Variants in ITPKB observed in about 807,000 individuals in gnomAD.
ITPKB encodes inositol-trisphosphate 3-kinase B.
A neutral mutation model predicts 69.4 loss-of-function variants in ITPKB; 13 were observed. That is an observed-to-expected ratio of 0.19 (90% CI 0.12 to 0.30). The LOEUF (loss-of-function observed/expected upper bound fraction) is 0.30. Ranked by LOEUF, ITPKB falls within the 10% of genes least tolerant of loss-of-function variation. ITPKB has a pLI of 1.00. For missense variants in ITPKB, 1,240 were observed against 1,250.5 expected (o/e 0.99, Z 0.13); for synonymous variants, 584 against 513.7 (o/e 1.14, Z -1.85).
At chr1:226,726,493 A>G (rs1044651563) in intron 2 of ITPKB, among the ~76,000 whole-genome samples, 9 of 152,276 alleles carry the variant, frequency 5.9e-5, no homozygotes, top group African/African-American at 1.9e-4. Flanking sequence ...CCTGGGCAAC[A>G]TAGCAAGAGA....
chr1:226,638,700 C>T (rs555520960), intron 6 of ITPKB, among the ~76,000 whole-genome samples: 90 of 152,280 alleles, frequency 5.9e-4, no homozygotes, highest in African/African-American at 2.1e-3. Context: ...ACCCACACTC[C>T]TGGACTCGGA....
Position 226,738,841 on chromosome 1 carries a change from G to T in ITPKB, c.-206+200C>A, listed in dbSNP as rs1657903590. On this transcript the variant is annotated intron_variant, in intron 1 of 7. Coordinates refer to ENST00000429204, the MANE Select transcript of ITPKB (RefSeq NM_002221.4). This position sits in a 1 kb window ranked among gnomAD's most constrained non-coding sequence, Gnocchi z 4.2. ...GGCCCGGAAGGCGGGTAGGAGAAATGCGGAGACCTCGTCTCTCCCTATTTT... is the reference window on the plus strand; with the variant it reads ...GGCCCGGAAGGCGGGTAGGAGAAATTCGGAGACCTCGTCTCTCCCTATTTT... Among the ~76,000 whole-genome samples the T allele has an allele frequency of 6.6e-6, 1 of 152,290 alleles. No individual in the cohort carries two copies. The highest frequency in any genetic ancestry group is 2.1e-4 in the South Asian group (1 of 4,830).
At chr1:226,648,623 C>T in intron 3 of ITPKB, 49 bp downstream of exon 3, 2 of 1,193,948 alleles carry the variant, frequency 1.7e-6, no homozygotes, top group Non-Finnish European at 2.5e-6. Context: ...GGGCACCTCC[C>T]CAGAGGGCTG....
chr1:226,737,192 G>C lies in ITPKB; in HGVS notation c.267C>G (p.Gly89=). The C allele has an allele frequency of 6.3e-7, 1 of 1,587,804 alleles. No individual in the cohort carries two copies. The highest frequency in any genetic ancestry group is 2.3e-5 in the East Asian group (1 of 44,166). Reference sequence around the variant, plus strand: ...TCACGCTACTGCCGCTGCTGCCGCTGCCACTGCCGCTGCTACTATTCAGCC... The same window carrying C: ...TCACGCTACTGCCGCTGCTGCCGCTCCCACTGCCGCTGCTACTATTCAGCC... ...RRRLNSSSGS[G]SGSSGSSVSS... Residue 89 remains glycine, a synonymous_variant, in exon 2 of 8, where the codon GGC becomes GGG. Coordinates refer to ENST00000429204, the MANE Select transcript of ITPKB (RefSeq NM_002221.4).
intron 4 of ITPKB, among the ~76,000 whole-genome samples, chr1:226,643,357 A>G (rs1259697755): frequency 6.6e-6 from 1 of 152,148 alleles, no homozygotes; most frequent in Non-Finnish European, 1.5e-5. Flanking sequence ...CAGTCTCCCT[A>G]CACAACAGGC....
At chr1:226,650,463 G>C (rs887241431) in intron 2 of ITPKB, among the ~76,000 whole-genome samples, 4 of 152,240 alleles carry the variant, frequency 2.6e-5, no homozygotes, top group African/African-American at 7.2e-5. Context: ...AAGAAGGCTA[G>C]AGCCAGCGGA....
At chr1:226,703,385 G>T (rs2102632057) in intron 2 of ITPKB, among the ~76,000 whole-genome samples, 1 of 152,364 alleles carries the variant, frequency 6.6e-6, no homozygotes, top group South Asian at 2.1e-4. Context: ...CCCACCGCCC[G>T]ACGCTGGCTG....
chr1:226,647,205 G>A lies in ITPKB; in HGVS notation c.2208C>T (p.Phe736=), dbSNP rs142941907. Residue 736 remains phenylalanine (F), a synonymous_variant, in exon 4 of 8, where the codon TTC becomes TTT. Transcript: ENST00000429204. ...TGCAGTCCATCACACAGGGCGAGTC[G>A]AAGTCGGCCAGCAGGTCGTCCATCT... ...YNQMDDLLAD[F]DSPCVMDCKM... 8.4e-5 allele frequency: 135 copies of A among 1,614,072 alleles called. No individual in the cohort carries two copies. Among genetic ancestry groups the A allele is most frequent in the Non-Finnish European group, 1.0e-4 (122 of 1,180,036 alleles).
rs1668757270 is a variant in ITPKB, at chr1:226,633,045, G to A, written c.*1626C>T. On this transcript the variant is annotated 3_prime_UTR_variant, in exon 8 of 8. Transcript: ENST00000429204. ...GCGCGTGTGTGACCTTTAGCAAGTC[G>A]GCCCACACAGGAGCTCACCACTGTT... is the stretch of plus-strand genomic sequence containing the variant. The A allele has an allele frequency of 6.6e-6, 1 of 152,148 alleles. No homozygotes were observed. Among genetic ancestry groups the A allele is most frequent in the African/African-American group, 2.4e-5 (1 of 41,424 alleles). 9.4% of individuals were successfully genotyped at this position (152,148 alleles called of 1,614,324 possible).
chr1:226,668,578 CCTGAAGAA>C (rs1669549979), intron 2 of ITPKB, among the ~76,000 whole-genome samples: 1 of 152,186 alleles, frequency 6.6e-6, no homozygotes, highest in African/African-American at 2.4e-5. Flanking sequence ...GTTAATCAAT[CCTGAAGAA>C]CTGAAGAACA....
intron 2 of ITPKB, among the ~76,000 whole-genome samples, chr1:226,667,826 A>ATG (rs3841844): frequency 0.085 from 12,542 of 148,416 alleles, 580 homozygotes; most frequent in Non-Finnish European, 0.096. Flanking sequence ...GATGAGGAAA[A>ATG]TGTGTGTGTG....
At chr1:226,679,235 A>G (rs1386081952) in intron 2 of ITPKB, among the ~76,000 whole-genome samples, 1 of 152,224 alleles carries the variant, frequency 6.6e-6, no homozygotes, top group Admixed American at 6.5e-5. Flanking sequence ...AATTCCAAAG[A>G]AAATTGCCCC....
chr1:226,690,183 G>C (rs1478542151), intron 2 of ITPKB, among the ~76,000 whole-genome samples: 1 of 152,158 alleles, frequency 6.6e-6, no homozygotes, highest in Non-Finnish European at 1.5e-5. Flanking sequence ...GGTCTTTGAG[G>C]AATCGCCACA....
chr1:226,727,208 C>A (rs1288781748), intron 2 of ITPKB, among the ~76,000 whole-genome samples: 1 of 152,186 alleles, frequency 6.6e-6, no homozygotes, highest in Admixed American at 6.5e-5. Context: ...CATGCATAAG[C>A]AGAGGCTTAG....
chr1:226,657,072 T>C (rs891879737), intron 2 of ITPKB: 1 of 152,252 alleles, frequency 6.6e-6, no homozygotes, highest in Non-Finnish European at 1.5e-5. Flanking sequence ...GTGTGATTAA[T>C]TGCTTACAAA....
intron 2 of ITPKB, among the ~76,000 whole-genome samples, chr1:226,705,633 C>T (rs899734684): frequency 3.3e-5 from 5 of 152,134 alleles, no homozygotes; most frequent in African/African-American, 1.2e-4. Flanking sequence ...TGGGCACATA[C>T]GGGCCTGAAT....
At chr1:226,662,248 C>A (rs986067567) in intron 2 of ITPKB, among the ~76,000 whole-genome samples, 3 of 152,220 alleles carry the variant, frequency 2.0e-5, no homozygotes, top group Non-Finnish European at 4.4e-5. Flanking sequence ...ACTTCTTCAT[C>A]CCATGCTGGA....
At chr1:226,697,027 A>T (rs1431925079) in intron 2 of ITPKB, among the ~76,000 whole-genome samples, 1 of 152,238 alleles carries the variant, frequency 6.6e-6, no homozygotes, top group Non-Finnish European at 1.5e-5. Context: ...TCTTGGGAAC[A>T]AATCATATCA....
chr1:226,635,101 C>G (rs1044358571), intron 7 of ITPKB, among the ~76,000 whole-genome samples: 1 of 152,144 alleles, frequency 6.6e-6, no homozygotes, highest in Non-Finnish European at 1.5e-5. Flanking sequence ...GGCGACCACC[C>G]TTCTGTGTGG....
Sources: allele counts gnomAD v4.1 joint callset (sites outside exome capture counted in the v4.1 genomes callset), GRCh38; gene constraint gnomAD v4.1.1; non-coding constraint Gnocchi (gnomAD v3.1); transcripts MANE v1.5; gene names NCBI Gene and HGNC (gene_info 2026-07-23, HGNC 2026-07-21).